The following ROR2 variants were observed in gnomAD, a reference collection of about 807,000 sequenced individuals.
ROR2 encodes the protein ROR family WNT receptor 2.
Under a neutral mutation model 74.9 loss-of-function variants are expected in ROR2, and 33 were observed. That is an observed-to-expected ratio of 0.44 (90% CI 0.33 to 0.59). The LOEUF (loss-of-function observed/expected upper bound fraction) is 0.59, where lower values mean the gene tolerates loss of function less well. Among genes scored for constraint, ROR2 ranks in the 20% least tolerant of loss-of-function variants. The pLI, the probability that ROR2 is intolerant of heterozygous loss-of-function variation, is 0.02. For synonymous variants in ROR2, 586 were observed against 558.7 expected, an observed-to-expected ratio of 1.05 and a Z score of -0.69; for missense variants, 1,216 against 1,313.8, an observed-to-expected ratio of 0.93 and a Z score of 1.15.
chr9:91,874,659 C>T (rs1262817953), intron 1 of ROR2, among the ~76,000 whole-genome samples: 1 of 152,052 alleles, frequency 6.6e-6, no homozygotes, highest in Non-Finnish European at 1.5e-5. Flanking sequence ...ACAACTGGGC[C>T]GGGCGTGGTG....
chr9:91,943,083 T>C (rs186947977), intron 1 of ROR2, among the ~76,000 whole-genome samples: 24 of 152,198 alleles, frequency 1.6e-4, no homozygotes, highest in African/African-American at 5.3e-4. Flanking sequence ...GCCTAAATGG[T>C]CCCAGACTTG....
rs1227074533 is a variant in ROR2 at position 91,723,501 on chromosome 9, G to A, written c.*161C>T. 2.0e-5 allele frequency: 23 copies of A among 1,154,064 alleles called. No homozygotes were observed. Among genetic ancestry groups the A allele is most frequent in the Non-Finnish European group, 2.3e-5 (19 of 821,214 alleles). 71.5% of individuals were successfully genotyped at this position (1,154,064 alleles called of 1,614,324 possible). A position where few individuals can be genotyped will look rare whatever the true frequency, so the allele number is the denominator to read the frequency against. ...AGGCAGGGCAGCTCTCTGTGTCAGA[G>A]GACAGAGAGGAGCAGGGCTCCACCT... On this transcript the variant is annotated 3_prime_UTR_variant, in exon 9 of 9. Coordinates refer to ENST00000375708, the MANE Select transcript of ROR2 (RefSeq NM_004560.4).
At chr9:91,944,713 G>C (rs1831967371) in intron 1 of ROR2, among the ~76,000 whole-genome samples, 2 of 152,040 alleles carry the variant, frequency 1.3e-5, no homozygotes, top group Non-Finnish European at 2.9e-5. Context: ...AGAAATGAAA[G>C]GTCTAAATAA....
At chr9:91,946,335 T>C (rs1488798885) in intron 1 of ROR2, among the ~76,000 whole-genome samples, 2 of 152,182 alleles carry the variant, frequency 1.3e-5, no homozygotes, top group Non-Finnish European at 2.9e-5. Flanking sequence ...TCACAACCAA[T>C]GGGCAAGAGC....
At chr9:91,749,218 G>A (rs1417388036) in intron 4 of ROR2, among the ~76,000 whole-genome samples, 1 of 152,168 alleles carries the variant, frequency 6.6e-6, no homozygotes, top group Non-Finnish European at 1.5e-5. Flanking sequence ...AAATGGTATG[G>A]TAATAAGGTG....
chr9:91,949,799 C>A, intron 1 of ROR2, 68 bp downstream of exon 1: 2 of 1,009,576 alleles, frequency 2.0e-6, no homozygotes, highest in South Asian at 1.4e-5. Flanking sequence ...AGCATAGTGG[C>A]GGCGGAAGGG....
intron 1 of ROR2, among the ~76,000 whole-genome samples, chr9:91,864,745 G>A (rs114784253): frequency 0.071 from 10,842 of 152,254 alleles, 446 homozygotes; most frequent in Middle Eastern, 0.13. Flanking sequence ...GCTCATTTTA[G>A]ACAATAACTT....
intron 2 of ROR2, among the ~76,000 whole-genome samples, chr9:91,770,455 C>T (rs1347453054): frequency 6.6e-6 from 1 of 152,214 alleles, no homozygotes; most frequent in African/African-American, 2.4e-5. Context: ...CTGGAGCACA[C>T]CCACTCCAGG....
At chr9:91,909,835 TAGG>T (rs1355511266) in intron 1 of ROR2, among the ~76,000 whole-genome samples, 32 of 110,392 alleles carry the variant, frequency 2.9e-4, no homozygotes, top group African/African-American at 6.3e-4. Context: ...TTTTTTTTTT[TAGG>T]TTTGTTTTGT....
At chr9:91,945,875 G>C (rs890042359) in intron 1 of ROR2, among the ~76,000 whole-genome samples, 3 of 152,228 alleles carry the variant, frequency 2.0e-5, no homozygotes, top group Non-Finnish European at 4.4e-5. Context: ...AACTTGGCAA[G>C]CTCTTCAACA....
chr9:91,852,870 C>T (rs1829151173), intron 1 of ROR2, among the ~76,000 whole-genome samples: 1 of 152,230 alleles, frequency 6.6e-6, no homozygotes, highest in Non-Finnish European at 1.5e-5. Context: ...GATTTCTGAC[C>T]TTCCCACTGG....
intron 1 of ROR2, among the ~76,000 whole-genome samples, chr9:91,875,819 T>A (rs1829940634): frequency 6.6e-6 from 1 of 152,026 alleles, no homozygotes; most frequent in Non-Finnish European, 1.5e-5. Context: ...CACTAAAAGA[T>A]AAAGCAGCTT....
chr9:91,926,806 G>T (rs1831415499), intron 1 of ROR2, among the ~76,000 whole-genome samples: 1 of 152,156 alleles, frequency 6.6e-6, no homozygotes, highest in Non-Finnish European at 1.5e-5. Context: ...CATAGAGACA[G>T]AAAGGAGAAT....
At chr9:91,814,371 C>A (rs1827857342) in intron 1 of ROR2, among the ~76,000 whole-genome samples, 1 of 152,174 alleles carries the variant, frequency 6.6e-6, no homozygotes, top group Non-Finnish European at 1.5e-5. Flanking sequence ...AGAGGCCACG[C>A]ACTCTAGCCT....
chr9:91,912,416 T>C (rs1033251835), intron 1 of ROR2, among the ~76,000 whole-genome samples: 1 of 152,196 alleles, frequency 6.6e-6, no homozygotes. Flanking sequence ...TTTGAGGTAA[T>C]GGATATTGCA....
chr9:91,795,101 T>C (rs10992113), intron 1 of ROR2, among the ~76,000 whole-genome samples: 1 of 151,138 alleles, frequency 6.6e-6, no homozygotes, highest in Non-Finnish European at 1.5e-5. Flanking sequence ...CTGGGCAACA[T>C]AGCAAGACTC....
At chr9:91,729,445 T>C (rs1837158699) in intron 7 of ROR2, among the ~76,000 whole-genome samples, 1 of 152,208 alleles carries the variant, frequency 6.6e-6, no homozygotes, top group Admixed American at 6.5e-5. Flanking sequence ...TCTTGAAGAT[T>C]TGTGTCTGAT....
intron 1 of ROR2, among the ~76,000 whole-genome samples, chr9:91,885,309 G>C (rs1307816778): frequency 6.6e-6 from 1 of 151,864 alleles, no homozygotes; most frequent in African/African-American, 2.4e-5. Flanking sequence ...AGCTTTGGGG[G>C]TTGGGGGGCG....
chr9:91,909,838 GTTTGTTTTGTT>G (rs1830911592), intron 1 of ROR2, among the ~76,000 whole-genome samples: 5 of 63,196 alleles, frequency 7.9e-5, no homozygotes, highest in African/African-American at 2.6e-4. Flanking sequence ...TTTTTTTTAG[GTTTGTTTTGTT>G]TTTTTTTTTT....
Sources: allele counts gnomAD v4.1 joint callset (sites outside exome capture counted in the v4.1 genomes callset), GRCh38; gene constraint gnomAD v4.1.1; transcripts MANE v1.5; gene names NCBI Gene and HGNC (gene_info 2026-07-23, HGNC 2026-07-21).